TENT4A: variants seen among roughly 807,000 people sequenced by gnomAD.
TENT4A encodes the protein DNA polymerase kappa.
TENT4A carries 7 observed loss-of-function variants against 72.8 expected under a neutral mutation model. That is an observed-to-expected ratio of 0.10 (90% confidence interval 0.05 to 0.18). The LOEUF (loss-of-function observed/expected upper bound fraction) is 0.18. Among genes scored for constraint, TENT4A ranks in the 10% least tolerant of loss-of-function variants. The pLI, the probability that TENT4A is intolerant of heterozygous loss-of-function variation, is 1.00. For synonymous variants in TENT4A, 456 were observed against 434.3 expected, an observed-to-expected ratio of 1.05 and a Z score of -0.62; for missense variants, 831 against 1,017.7, an observed-to-expected ratio of 0.82 and a Z score of 2.50.
intron 1 of TENT4A, among the ~76,000 whole-genome samples, chr5:6,725,780 G>A (rs1270213579): frequency 2.0e-5 from 3 of 152,094 alleles, no homozygotes; most frequent in East Asian, 1.9e-4. Context: ...CTCTAGGCTC[G>A]TGTAGATGGA....
In TENT4A at chr5:6,746,408, T is replaced by C. The variant is rs758339543; in HGVS notation, c.1440T>C (p.Ile480=). ...GGTACAGACCGTCGATGCTGTGCAT[T>C]GAGGACCCCCTGCTGCCAGGTAAGG... The part of the protein sequence containing the change: ...TSGYRPSMLC[I]EDPLLPGNDV... Residue 480 remains isoleucine (I), a synonymous_variant, in exon 7 of 13, where the codon ATT becomes ATC. Coordinates refer to ENST00000230859, the MANE Select transcript of TENT4A (RefSeq NM_006999.6). 1 of 1,614,000 alleles carries C rather than the reference T, an allele frequency of 6.2e-7. No individual in the cohort carries two copies. Among genetic ancestry groups the C allele is most frequent in the African/African-American group, 1.3e-5 (1 of 74,920 alleles).
chr5:6,732,250 C>T (rs1741252794), intron 1 of TENT4A, among the ~76,000 whole-genome samples: 1 of 152,226 alleles, frequency 6.6e-6, no homozygotes, highest in Non-Finnish European at 1.5e-5. Context: ...ACCAGCCAGT[C>T]CTCCCTGGCT....
chr5:6,714,010 G>A lies in TENT4A; in HGVS notation c.27G>A (p.Gln9=). MDPRVAWI[Q]PEQKGPANAL... Reference sequence around the variant, plus strand: ...TGGATCCGCGCGTGGCCTGGATCCAGCCCGAGCAGAAGGGGCCGGCCAATG... The same window carrying A: ...TGGATCCGCGCGTGGCCTGGATCCAACCCGAGCAGAAGGGGCCGGCCAATG... The change falls in exon 1 of 13, where the codon CAG becomes CAA. Residue 9 remains glutamine, a synonymous_variant. Transcript: ENST00000230859. 2 of 983,204 alleles carry A rather than the reference G, an allele frequency of 2.0e-6. No individual in the cohort carries two copies. Among genetic ancestry groups the A allele is most frequent in the Non-Finnish European group, 2.4e-6 (2 of 829,696 alleles). 60.9% of individuals were successfully genotyped at this position (983,204 alleles called of 1,614,324 possible).
chr5:6,754,997 C>T lies in TENT4A; in HGVS notation c.*52C>T. 6.8e-7 allele frequency: 1 copy of T among 1,460,530 alleles called. No individual in the cohort carries two copies. The highest frequency in any genetic ancestry group is 9.1e-7 in the Non-Finnish European group (1 of 1,095,280). The allele number at this position is 1,460,530 out of a possible 1,614,324, so 90.5% of individuals were successfully genotyped here. A position where few individuals can be genotyped will look rare whatever the true frequency, so the allele number is the denominator to read the frequency against. ...CACCCCTCTGCAGACTGCCCCGCGG[C>T]CTCGGCCACCGGCAGGGGAACCGAG... On this transcript the variant is annotated 3_prime_UTR_variant, in exon 13 of 13. Coordinates refer to ENST00000230859, the MANE Select transcript of TENT4A (RefSeq NM_006999.6).
intron 1 of TENT4A, among the ~76,000 whole-genome samples, chr5:6,719,678 G>A (rs558380247): frequency 1.3e-5 from 2 of 152,350 alleles, no homozygotes; most frequent in Admixed American, 1.3e-4. Flanking sequence ...AGGTGTCCAA[G>A]TTACCTGACC....
chr5:6,713,798 C>G lies in TENT4A; in HGVS notation c.-186C>G, dbSNP rs1248810949. 1 of 148,182 alleles carries G rather than the reference C, an allele frequency of 6.7e-6. No individual in the cohort carries two copies. The highest frequency in any genetic ancestry group is 1.5e-5 in the Non-Finnish European group (1 of 67,314). 9.2% of individuals were successfully genotyped at this position (148,182 alleles called of 1,614,324 possible). A position where few individuals can be genotyped will look rare whatever the true frequency, so the allele number is the denominator to read the frequency against. On this transcript the variant is annotated 5_prime_UTR_variant, in exon 1 of 13. Coordinates refer to ENST00000230859, the MANE Select transcript of TENT4A (RefSeq NM_006999.6). ...CCGCCGCCGCCGCCCCACGCCGGAG[C>G]CCGACGGGAGCGCGGCTAGAGCAGG... is the stretch of plus-strand genomic sequence containing the variant.
intron 3 of TENT4A, among the ~76,000 whole-genome samples, chr5:6,739,411 G>A (rs1373771216): frequency 2.0e-5 from 3 of 152,188 alleles, no homozygotes; most frequent in Non-Finnish European, 4.4e-5. Context: ...GTAGGTGCTG[G>A]GAGAGCGGGG....
In TENT4A at chr5:6,738,733, A is replaced by G. The variant is rs1741637370; in HGVS notation, c.887+4A>G. ...CAGGTCTTTATCTTCCAACTAGGTG[A>G]GTACCAGACTGCATGGCATGGGCTA... On this transcript the variant is annotated splice_donor_region_variant and intron_variant, in intron 3 of 12. Coordinates refer to ENST00000230859, the MANE Select transcript of TENT4A (RefSeq NM_006999.6). 6 of 1,607,342 alleles carry G rather than the reference A, an allele frequency of 3.7e-6. No individual in the cohort carries two copies. Among genetic ancestry groups the G allele is most frequent in the Non-Finnish European group, 4.3e-6 (5 of 1,173,814 alleles).
intron 7 of TENT4A, 62 bp downstream of exon 7, chr5:6,746,489 AG>A (rs1668431044): frequency 6.6e-7 from 1 of 1,525,642 alleles, no homozygotes; most frequent in South Asian, 1.1e-5. Flanking sequence ...TGCTGGTGAC[AG>A]GGCCTGTGTT....
rs1742605033 is a variant in TENT4A, at chr5:6,754,855, C to T, written c.2289C>T (p.Asn763=). The T allele has an allele frequency of 6.2e-7, 1 of 1,610,328 alleles. No individual in the cohort carries two copies. The highest frequency in any genetic ancestry group is 8.5e-7 in the Non-Finnish European group (1 of 1,177,492). The change falls in exon 13 of 13, where the codon AAC becomes AAT. Residue 763 remains asparagine, a synonymous_variant. Coordinates refer to ENST00000230859, the MANE Select transcript of TENT4A (RefSeq NM_006999.6). The part of the protein sequence containing the change: ...GSGGVRPPVG[N]RGHHQYNRTG... Reference sequence around the variant, plus strand: ...GAGGTGTGCGGCCCCCTGTGGGCAACAGGGGACACCACCAGTATAACCGCA... The same window carrying T: ...GAGGTGTGCGGCCCCCTGTGGGCAATAGGGGACACCACCAGTATAACCGCA...
intron 2 of TENT4A, 128 bp downstream of exon 2, chr5:6,737,761 A>T: frequency 9.2e-7 from 1 of 1,090,070 alleles, no homozygotes; most frequent in Non-Finnish European, 1.3e-6. Flanking sequence ...CAGTTCTCCA[A>T]GTGTGCTTTG....
At chr5:6,748,000 C>G (rs1252897328) in intron 7 of TENT4A, among the ~76,000 whole-genome samples, 1 of 152,196 alleles carries the variant, frequency 6.6e-6, no homozygotes, top group African/African-American at 2.4e-5. Flanking sequence ...TTGTGATGCA[C>G]TTGGGGTGAG....
chr5:6,750,637 G>A, intron 10 of TENT4A, 134 bp downstream of exon 10: 2 of 811,846 alleles, frequency 2.5e-6, no homozygotes, highest in East Asian at 2.9e-5. Context: ...GGAGGTGGGT[G>A]GGGGGCAGCC....
rs973961573 is a variant in TENT4A, at chr5:6,728,592, C to T, written c.717-8918C>T. Among the ~76,000 whole-genome samples the T allele has an allele frequency of 7.2e-5, 11 of 152,326 alleles. No homozygotes were observed. The South Asian group carries it at 1.9e-3, about 26-fold the overall frequency. ...TAAACCAGACCCAGAACTTCATGGC[C>T]GCAGGGGCCTTTTAGCCATGCGGGG... On this transcript the variant is annotated intron_variant, in intron 1 of 12. Coordinates refer to ENST00000230859, the MANE Select transcript of TENT4A (RefSeq NM_006999.6).
intron 4 of TENT4A, among the ~76,000 whole-genome samples, chr5:6,740,719 T>C (rs1434173110): frequency 6.6e-6 from 1 of 152,220 alleles, no homozygotes; most frequent in Non-Finnish European, 1.5e-5. Flanking sequence ...CACATGCTCA[T>C]GTCACTGTCA....
At chr5:6,734,491 A>G (rs1440046695) in intron 1 of TENT4A, among the ~76,000 whole-genome samples, 1 of 152,234 alleles carries the variant, frequency 6.6e-6, no homozygotes, top group Non-Finnish European at 1.5e-5. Flanking sequence ...CTCTCCTTGA[A>G]GAAGGGCCAG....
At chr5:6,739,204 A>G (rs780318212) in intron 3 of TENT4A, among the ~76,000 whole-genome samples, 12 of 152,256 alleles carry the variant, frequency 7.9e-5, no homozygotes, top group Non-Finnish European at 1.8e-4. Flanking sequence ...CTTGATAGCC[A>G]AATAAATTTC....
chr5:6,737,768 TTTGAGAAGGCC>T, intron 2 of TENT4A, 135 bp downstream of exon 2: 2 of 975,994 alleles, frequency 2.0e-6, no homozygotes, highest in Non-Finnish European at 2.9e-6. Flanking sequence ...CCAAGTGTGC[TTTGAGAAGGCC>T]TCCGTTGCCT....
intron 11 of TENT4A, 81 bp downstream of exon 11, chr5:6,751,278 A>G: frequency 7.1e-7 from 1 of 1,399,302 alleles, no homozygotes; most frequent in Non-Finnish European, 1.0e-6. Flanking sequence ...GAGGAGATTG[A>G]TGGTCCTTTG....
Sources: allele counts gnomAD v4.1 joint callset (sites outside exome capture counted in the v4.1 genomes callset), GRCh38; gene constraint gnomAD v4.1.1; transcripts MANE v1.5; gene names NCBI Gene and HGNC (gene_info 2026-07-23, HGNC 2026-07-21).